The following TM9SF2 variants were observed in gnomAD, a reference collection of about 807,000 sequenced individuals.
The protein encoded by TM9SF2 is 76 kDa membrane protein.
A neutral mutation model predicts 84.9 loss-of-function variants in TM9SF2; 13 were observed. The ratio of observed to expected loss-of-function variants is 0.15; its 90% CI spans 0.10 to 0.24. The LOEUF is 0.24. Ranked by LOEUF, TM9SF2 falls within the 10% of genes least tolerant of loss-of-function variation. TM9SF2 has a pLI of 1.00. For missense variants in TM9SF2, 562 were observed against 818.5 expected (o/e 0.69, Z 3.82); for synonymous variants, 273 against 285.8 (o/e 0.96, Z 0.45).
intron 4 of TM9SF2, among the ~76,000 whole-genome samples, chr13:99,534,896 TC>T (rs1407847089): frequency 6.6e-6 from 1 of 152,224 alleles, no homozygotes; most frequent in East Asian, 1.9e-4. Context: ...ACACCTGTAA[TC>T]CCAGCACTTT....
At chr13:99,543,066 C>T (rs2046267690) in intron 9 of TM9SF2, among the ~76,000 whole-genome samples, 2 of 152,230 alleles carry the variant, frequency 1.3e-5, no homozygotes, top group African/African-American at 2.4e-5. Flanking sequence ...ACCAGGCAGA[C>T]ATAGGTTTCC....
chr13:99,559,262 T>C, intron 15 of TM9SF2, 101 bp from the exon 16 acceptor site: 4 of 971,642 alleles, frequency 4.1e-6, no homozygotes, highest in Non-Finnish European at 4.4e-6. Context: ...GAAATTAGAT[T>C]GGGGGCTGTC....
intron 3 of TM9SF2, among the ~76,000 whole-genome samples, chr13:99,528,211 A>G (rs2046192418): frequency 2.0e-5 from 3 of 152,210 alleles, no homozygotes; most frequent in Admixed American, 2.0e-4. Context: ...CCAACTAAAC[A>G]CATGACAGGG....
intron 15 of TM9SF2, 95 bp downstream of exon 15, chr13:99,555,742 T>G (rs1209085769): frequency 6.7e-6 from 5 of 747,036 alleles, no homozygotes; most frequent in Non-Finnish European, 1.1e-5. Context: ...TTTCTGTAGA[T>G]GTATGTTTAT....
chr13:99,562,942 A>C lies in TM9SF2; in HGVS notation c.*184A>C. The C allele has an allele frequency of 1.9e-6, 1 of 517,206 alleles. No homozygotes were observed. The allele number at this position is 517,206 out of a possible 1,614,324, so 32.0% of individuals were successfully genotyped here. A position where few individuals can be genotyped will look rare whatever the true frequency, so the allele number is the denominator to read the frequency against. ...CCATAAGATGTGTCTTCAACACTAT[A>C]AAGCATTTGTATTGTGATTTGATTA... On this transcript the variant is annotated 3_prime_UTR_variant, in exon 17 of 17. Transcript: ENST00000376387.
At chr13:99,553,009 G>A (rs985879485) in intron 13 of TM9SF2, among the ~76,000 whole-genome samples, 1 of 152,184 alleles carries the variant, frequency 6.6e-6, no homozygotes, top group Admixed American at 6.5e-5. Flanking sequence ...CTGCTTCCCT[G>A]CTAATATTGG....
intron 1 of TM9SF2, among the ~76,000 whole-genome samples, chr13:99,508,062 A>T (rs147692187): frequency 1.3e-3 from 194 of 152,338 alleles, no homozygotes; most frequent in African/African-American, 4.5e-3. Flanking sequence ...TTAGGAGAGA[A>T]ATTTAAAAGG....
At chr13:99,504,729 C>T (rs2046081366) in intron 1 of TM9SF2, among the ~76,000 whole-genome samples, 1 of 152,130 alleles carries the variant, frequency 6.6e-6, no homozygotes, top group South Asian at 2.1e-4. Flanking sequence ...TTTTCTTAGC[C>T]TTCATAGATA....
At chr13:99,532,868 A>T (rs1310100717) in intron 4 of TM9SF2, among the ~76,000 whole-genome samples, 1 of 152,164 alleles carries the variant, frequency 6.6e-6, no homozygotes, top group Non-Finnish European at 1.5e-5. Flanking sequence ...ATTCTGCTTT[A>T]AAAAAATTAC....
At chr13:99,550,706 C>T (rs745894394) in intron 12 of TM9SF2, among the ~76,000 whole-genome samples, 31 of 152,114 alleles carry the variant, frequency 2.0e-4, no homozygotes, top group Non-Finnish European at 4.0e-4. Flanking sequence ...AAATAAACAC[C>T]TGCATATAAT....
chr13:99,536,866 C>T, intron 5 of TM9SF2, 129 bp downstream of exon 5: 3 of 980,488 alleles, frequency 3.1e-6, no homozygotes, highest in Non-Finnish European at 4.4e-6. Flanking sequence ...AGTACAACTA[C>T]TTCAATCTTA....
intron 14 of TM9SF2, among the ~76,000 whole-genome samples, chr13:99,554,791 C>G (rs947787316): frequency 6.6e-6 from 1 of 152,128 alleles, no homozygotes; most frequent in Non-Finnish European, 1.5e-5. Context: ...ACACAGCAAC[C>G]CTGTGACAGA....
intron 1 of TM9SF2, among the ~76,000 whole-genome samples, chr13:99,513,483 A>G (rs1292500831): frequency 1.3e-5 from 2 of 152,244 alleles, no homozygotes; most frequent in African/African-American, 4.8e-5. Flanking sequence ...TACTTCATCA[A>G]TTGGGTAGAA....
At chr13:99,541,039 T>C (rs1640265032) in intron 8 of TM9SF2, among the ~76,000 whole-genome samples, 1 of 152,254 alleles carries the variant, frequency 6.6e-6, no homozygotes, top group Admixed American at 6.5e-5. Context: ...TGGGACAGAA[T>C]ATTTGAGGAC....
At chr13:99,518,713 C>T (rs577299880) in intron 2 of TM9SF2, among the ~76,000 whole-genome samples, 103 of 151,958 alleles carry the variant, frequency 6.8e-4, no homozygotes, top group African/African-American at 2.3e-3. Flanking sequence ...CCTCTCATCT[C>T]AGCCTCCTGA....
intron 14 of TM9SF2, among the ~76,000 whole-genome samples, chr13:99,555,293 T>G (rs1259341933): frequency 1.3e-5 from 2 of 152,204 alleles, no homozygotes; most frequent in African/African-American, 2.4e-5. Context: ...TCTAGCCATA[T>G]GTAAATAAGT....
chr13:99,546,876 G>T (rs969825750), intron 10 of TM9SF2, 109 bp from the exon 11 acceptor site: 75 of 1,479,142 alleles, frequency 5.1e-5, no homozygotes, highest in Non-Finnish European at 6.6e-5. Flanking sequence ...ATGGTTTTGC[G>T]TGAAGTTGTA....
intron 1 of TM9SF2, among the ~76,000 whole-genome samples, chr13:99,515,027 C>A (rs1239616964): frequency 1.3e-5 from 2 of 152,226 alleles, no homozygotes; most frequent in Non-Finnish European, 2.9e-5. Flanking sequence ...TAAACCCACA[C>A]AGCCTAGCTT....
At chr13:99,526,191 C>T (rs1015450147) in intron 3 of TM9SF2, among the ~76,000 whole-genome samples, 1 of 152,196 alleles carries the variant, frequency 6.6e-6, no homozygotes, top group African/African-American at 2.4e-5. Flanking sequence ...GCTAATAGAG[C>T]AGGAGTGTGG....
Sources: allele counts gnomAD v4.1 joint callset (sites outside exome capture counted in the v4.1 genomes callset), GRCh38; gene constraint gnomAD v4.1.1; transcripts MANE v1.5; gene names NCBI Gene and HGNC (gene_info 2026-07-23, HGNC 2026-07-21).